The following FGF14 variants were observed in gnomAD, a reference collection of about 807,000 sequenced individuals.
FGF14 encodes fibroblast growth factor 14.
In FGF14, 5 loss-of-function variants were observed where a neutral mutation model predicts 25.5. That is an observed-to-expected ratio of 0.20 (90% confidence interval 0.10 to 0.41). The LOEUF (loss-of-function observed/expected upper bound fraction) is 0.41, where lower values mean the gene tolerates loss of function less well. Ranked by LOEUF, FGF14 falls within the 10% of genes least tolerant of loss-of-function variation. The pLI, the probability that FGF14 is intolerant of heterozygous loss-of-function variation, is 1.00. For missense variants in FGF14, 222 were observed against 320.1 expected, an observed-to-expected ratio of 0.69 and a Z score of 2.34; for synonymous variants, 138 against 118.3, an observed-to-expected ratio of 1.17 and a Z score of -1.08.
chr13:101,743,058 C>T (rs1392301560), intron 3 of FGF14, among the ~76,000 whole-genome samples: 5 of 152,168 alleles, frequency 3.3e-5, no homozygotes, highest in Admixed American at 2.0e-4. Context: ...CAAGTTGTCC[C>T]GCCTTTCCAG....
At chr13:102,336,477 G>A (rs1307911479) in intron 1 of FGF14, among the ~76,000 whole-genome samples, 1 of 151,978 alleles carries the variant, frequency 6.6e-6, no homozygotes, top group Non-Finnish European at 1.5e-5. Flanking sequence ...ATAAGGTTTA[G>A]GGAAAAAAAA....
chr13:102,302,649 G>T (rs1454002035), intron 1 of FGF14, among the ~76,000 whole-genome samples: 1 of 152,072 alleles, frequency 6.6e-6, no homozygotes, highest in African/African-American at 2.4e-5. Context: ...CCAACTGCCA[G>T]ATATCTTCCC....
Position 102,152,690 on chromosome 13 carries a change from C to T in FGF14, c.208+248781G>A, listed in dbSNP as rs553492899. 3.9e-5 allele frequency among the ~76,000 whole-genome samples: 6 copies of T among 152,226 alleles called. No homozygotes were observed. In the South Asian group the frequency reaches 1.2e-3, roughly 32 times the overall value. On this transcript the variant is annotated intron_variant, in intron 1 of 4. Transcript: ENST00000376131. ...TCCATAAGTAACTGAAACCACAATG[C>T]CCAAACAGAAAGATCTTTTTGGAGT...
chr13:101,959,066 G>A (rs2036680582), intron 1 of FGF14, among the ~76,000 whole-genome samples: 3 of 152,142 alleles, frequency 2.0e-5, no homozygotes, highest in African/African-American at 4.8e-5. Context: ...TGCAGCAGAT[G>A]ACTTCAGGAT....
At chr13:102,358,312 T>A (rs1406106624) in intron 1 of FGF14, among the ~76,000 whole-genome samples, 1 of 152,226 alleles carries the variant, frequency 6.6e-6, no homozygotes, top group Non-Finnish European at 1.5e-5. Context: ...GGGCCATTTT[T>A]AATTAGTGTT....
chr13:101,764,044 T>C (rs915869298), intron 3 of FGF14, among the ~76,000 whole-genome samples: 19 of 152,140 alleles, frequency 1.2e-4, no homozygotes, highest in Admixed American at 3.9e-4. Context: ...GAACAGCAGC[T>C]GACCAAAGTG....
chr13:101,934,306 C>T (rs1566459094), intron 1 of FGF14, among the ~76,000 whole-genome samples: 3 of 152,126 alleles, frequency 2.0e-5, no homozygotes, highest in Admixed American at 6.5e-5. Context: ...CACTGGTATA[C>T]CAGTAACAAG....
intron 3 of FGF14, among the ~76,000 whole-genome samples, chr13:101,844,814 T>A (rs1350021182): frequency 6.6e-6 from 1 of 151,964 alleles, no homozygotes; most frequent in East Asian, 1.9e-4. Context: ...CCTTGGCAAA[T>A]CCAAAACATT....
chr13:102,168,689 C>T (rs896200081), intron 1 of FGF14, among the ~76,000 whole-genome samples: 1 of 152,140 alleles, frequency 6.6e-6, no homozygotes, highest in Non-Finnish European at 1.5e-5. Context: ...ACCATAGGCA[C>T]AAATGTCACT....
chr13:101,770,922 T>C (rs890360144), intron 3 of FGF14, among the ~76,000 whole-genome samples: 11 of 151,972 alleles, frequency 7.2e-5, no homozygotes, highest in Non-Finnish European at 1.5e-4. Flanking sequence ...AGTAACAAAA[T>C]GCACAGATTT....
At position 102,178,170 on chromosome 13, in the gene FGF14, A is replaced by G. The variant is rs1325294817; in HGVS notation, c.208+223301T>C. ...GAGAAAATACAATGAAGGTTGGGGA[A>G]GAGAAGGAGACCTAAGCCACTGACA... On this transcript the variant is annotated intron_variant, in intron 1 of 4. Transcript: ENST00000376131. Among the ~76,000 whole-genome samples the G allele has an allele frequency of 3.9e-5, 6 of 152,230 alleles. No individual in the cohort carries two copies. In the East Asian group the frequency reaches 9.7e-4, roughly 25 times the overall value.
intron 1 of FGF14, among the ~76,000 whole-genome samples, chr13:101,940,494 C>T (rs950304480): frequency 1.3e-5 from 2 of 152,172 alleles, no homozygotes; most frequent in African/African-American, 2.4e-5. Flanking sequence ...AGCTTGTGCT[C>T]GCCTTGAGGC....
chr13:102,219,678 A>G (rs547876813), intron 1 of FGF14, among the ~76,000 whole-genome samples: 4 of 152,222 alleles, frequency 2.6e-5, no homozygotes, highest in Non-Finnish European at 5.9e-5. Context: ...CTCAGTTTAT[A>G]TATCTCAAGC....
At chr13:101,885,879 C>G (rs1227241236) in intron 1 of FGF14, among the ~76,000 whole-genome samples, 1 of 152,116 alleles carries the variant, frequency 6.6e-6, no homozygotes, top group East Asian at 1.9e-4. Flanking sequence ...GGAACACCAC[C>G]TAACTATCAT....
In FGF14 at chr13:102,065,545, C is replaced by A. The variant is rs552351151; in HGVS notation, c.209-190249G>T. On this transcript the variant is annotated intron_variant, in intron 1 of 4. Transcript: ENST00000376131. ...GTTTATTTTAAAATACAAAAAAGAGCAAAAAATAGGATGCACCTCATATAA... is the reference window on the plus strand; with the variant it reads ...GTTTATTTTAAAATACAAAAAAGAGAAAAAAATAGGATGCACCTCATATAA... 2.6e-5 allele frequency among the ~76,000 whole-genome samples: 4 copies of A among 151,886 alleles called. No individual in the cohort carries two copies. In the East Asian group the frequency reaches 7.7e-4, roughly 29 times the overall value.
rs9582553 is a variant in FGF14 at position 102,140,827 on chromosome 13, A to T, written c.208+260644T>A. On this transcript the variant is annotated intron_variant, in intron 1 of 4. Coordinates refer to the FGF14 transcript ENST00000376131. ...ACAACATGCCTTGTTGTATTGTCGT[A>T]TTACTTCGGCAAAAAGTGATAGAAA... Among the ~76,000 whole-genome samples, 708 of 152,314 alleles carry T rather than the reference A, an allele frequency of 4.6e-3. 5 individuals are homozygous for T. Among genetic ancestry groups the T allele is most frequent in the African/African-American group, 0.015 (622 of 41,580 alleles).
intron 1 of FGF14, among the ~76,000 whole-genome samples, chr13:102,024,496 T>C (rs571602830): frequency 6.7e-5 from 3 of 44,566 alleles, no homozygotes; most frequent in Non-Finnish European, 1.0e-4. Context: ...TCTGTGTTTT[T>C]ACATTCTGAA....
intron 1 of FGF14, among the ~76,000 whole-genome samples, chr13:102,216,321 G>A (rs2050367829): frequency 6.6e-6 from 1 of 152,082 alleles, no homozygotes; most frequent in Admixed American, 6.6e-5. Flanking sequence ...TCTTAACCAA[G>A]TCGCTCAACT....
intron 1 of FGF14, among the ~76,000 whole-genome samples, chr13:101,992,444 A>G (rs898488843): frequency 2.0e-5 from 3 of 152,184 alleles, no homozygotes; most frequent in African/African-American, 7.2e-5. Context: ...GGCAAAATAA[A>G]ACAAAACAAA....
Sources: allele counts gnomAD v4.1 joint callset (sites outside exome capture counted in the v4.1 genomes callset), GRCh38; gene constraint gnomAD v4.1.1; transcripts MANE v1.5; gene names NCBI Gene and HGNC (gene_info 2026-07-23, HGNC 2026-07-21).